The following ERC2 variants were observed in gnomAD, a reference collection of about 807,000 sequenced individuals.
The protein encoded by ERC2 is ELKS/RAB6-interacting/CAST family member 2, also known as ERC protein 2.
ERC2 carries 42 observed loss-of-function variants against 114.8 expected under a neutral mutation model. The ratio of observed to expected loss-of-function variants is 0.37; its 90% CI spans 0.29 to 0.47. ERC2 has a LOEUF of 0.47. Among genes scored for constraint, ERC2 ranks in the 20% least tolerant of loss-of-function variants. The pLI is 0.99. For missense variants in ERC2, 939 were observed against 1,150.7 expected, an observed-to-expected ratio of 0.82 and a Z score of 2.66; for synonymous variants, 454 against 425.5, an observed-to-expected ratio of 1.07 and a Z score of -0.82.
chr3:55,840,234 A>G (rs930831363), intron 14 of ERC2, among the ~76,000 whole-genome samples: 1 of 152,086 alleles, frequency 6.6e-6, no homozygotes, highest in African/African-American at 2.4e-5. Context: ...CACATGTGTA[A>G]TAAAGGAATC....
chr3:55,888,389 TTCATCTCCA>T lies in ERC2; in HGVS notation c.2555_2563del (p.Leu852_Lys855delinsGln). On this transcript the variant is annotated inframe_deletion and splice_region_variant, in exon 14 of 18. Coordinates refer to ENST00000288221, the MANE Select transcript of ERC2 (RefSeq NM_015576.3). The stretch of plus-strand genomic sequence containing the variant: ...TACCAAAGCAGCAATGGGTACTCAC[TTCATCTCCA>T]GGATCTCCTCCAGCTGTTTCCTCCT... 6.2e-7 allele frequency: 1 copy of T among 1,613,814 alleles called. No homozygotes were observed. The highest frequency in any genetic ancestry group is 8.5e-7 in the Non-Finnish European group (1 of 1,179,774).
intron 14 of ERC2, among the ~76,000 whole-genome samples, chr3:55,887,981 T>C (rs1392177952): frequency 6.6e-6 from 1 of 152,198 alleles, no homozygotes; most frequent in African/African-American, 2.4e-5. Context: ...GAGAAGAATA[T>C]AATTAGCAAA....
chr3:56,440,681 C>T lies in ERC2; in HGVS notation c.-140-5534G>A, dbSNP rs532136172. Among the ~76,000 whole-genome samples the T allele has an allele frequency of 1.1e-3, 175 of 152,174 alleles. 1 individual carries two copies. The highest frequency in any genetic ancestry group is 4.1e-3 in the African/African-American group (169 of 41,532). The stretch of plus-strand genomic sequence containing the variant: ...AAACTAGCCAGTATGTATTATGTTA[C>T]TTCCAATTCCTTTTAAGTGTGTATG... On this transcript the variant is annotated intron_variant, in intron 1 of 17. Transcript: ENST00000288221.
chr3:56,209,768 T>C (rs544239882), intron 3 of ERC2, among the ~76,000 whole-genome samples: 4 of 152,248 alleles, frequency 2.6e-5, no homozygotes, highest in African/African-American at 7.2e-5. Context: ...CTCCTCATTT[T>C]TAACCTACAG....
chr3:56,260,302 A>C (rs149830308), intron 3 of ERC2, among the ~76,000 whole-genome samples: 1 of 152,244 alleles, frequency 6.6e-6, no homozygotes, highest in African/African-American at 2.4e-5. Flanking sequence ...TATGGGAAGC[A>C]GATGAGAATA....
At chr3:56,272,382 T>C (rs1455757202) in intron 3 of ERC2, among the ~76,000 whole-genome samples, 1 of 152,246 alleles carries the variant, frequency 6.6e-6, no homozygotes, top group Non-Finnish European at 1.5e-5. Context: ...GTTGCCTAAA[T>C]AGGCCAGGTT....
chr3:56,384,733 T>C (rs2106766303), intron 2 of ERC2, among the ~76,000 whole-genome samples: 1 of 152,330 alleles, frequency 6.6e-6, no homozygotes, highest in South Asian at 2.1e-4. Flanking sequence ...TTTTCTTTTG[T>C]CACCTGTGCT....
At chr3:56,215,488 T>C (rs978206712) in intron 3 of ERC2, among the ~76,000 whole-genome samples, 1 of 152,206 alleles carries the variant, frequency 6.6e-6, no homozygotes, top group Non-Finnish European at 1.5e-5. Context: ...CCCAGATTCA[T>C]AAAGTAAGTC....
At chr3:56,289,254 T>C (rs1281306623) in intron 3 of ERC2, among the ~76,000 whole-genome samples, 1 of 152,180 alleles carries the variant, frequency 6.6e-6, no homozygotes, top group African/African-American at 2.4e-5. Flanking sequence ...CAGCACTCAG[T>C]TCTTAAGTTG....
chr3:55,719,141 C>T (rs2064299021), intron 15 of ERC2, among the ~76,000 whole-genome samples: 1 of 152,156 alleles, frequency 6.6e-6, no homozygotes, highest in Admixed American at 6.5e-5. Flanking sequence ...CAACACTGAA[C>T]ATGGCTTGGA....
chr3:56,299,115 T>C (rs2055668267), intron 2 of ERC2, among the ~76,000 whole-genome samples: 1 of 135,896 alleles, frequency 7.4e-6, no homozygotes, highest in Non-Finnish European at 1.6e-5. Flanking sequence ...TGTTTTTTTT[T>C]TTTGTTTTTT....
chr3:56,429,987 TAAG>T (rs898426650), intron 2 of ERC2, among the ~76,000 whole-genome samples: 23 of 152,148 alleles, frequency 1.5e-4, no homozygotes, highest in Admixed American at 1.1e-3. Flanking sequence ...ACGCTGCATA[TAAG>T]AAGGAAAGGG....
At chr3:55,994,487 C>A (rs528880748) in intron 10 of ERC2, among the ~76,000 whole-genome samples, 1 of 152,032 alleles carries the variant, frequency 6.6e-6, no homozygotes, top group African/African-American at 2.4e-5. Flanking sequence ...AGCCTAAAAA[C>A]CATGAAAACT....
In ERC2 at chr3:55,902,456, A is replaced by G. The variant is rs75369952; in HGVS notation, c.2404-13907T>C. ...AAATCACTTCATACAGGGAAAACTC[A>G]GAACAAAGACGCCCACCCAAACAGT... On this transcript the variant is annotated intron_variant, in intron 13 of 17. Transcript: ENST00000288221. 4.6e-3 allele frequency among the ~76,000 whole-genome samples: 704 copies of G among 152,282 alleles called. 7 individuals are homozygous for G. The highest frequency in any genetic ancestry group is 0.016 in the African/African-American group (678 of 41,544).
At chr3:55,517,821 G>T (rs1252152357) in intron 17 of ERC2, among the ~76,000 whole-genome samples, 1 of 152,220 alleles carries the variant, frequency 6.6e-6, no homozygotes, top group Non-Finnish European at 1.5e-5. Context: ...TAAAAGATCA[G>T]ATATCTGCCA....
At chr3:55,715,215 C>G (rs1268199311) in intron 15 of ERC2, among the ~76,000 whole-genome samples, 2 of 152,100 alleles carry the variant, frequency 1.3e-5, no homozygotes, top group African/African-American at 4.8e-5. Context: ...TTCCCAAGAC[C>G]CTGTCAGGCT....
chr3:55,758,191 A>AT (rs2067182282), intron 14 of ERC2, among the ~76,000 whole-genome samples: 1 of 152,232 alleles, frequency 6.6e-6, no homozygotes, highest in African/African-American at 2.4e-5. Context: ...GGCAGAGCTC[A>AT]TATTTCATCT....
At chr3:56,195,515 G>GTGTGTGTT (rs974294067) in intron 3 of ERC2, among the ~76,000 whole-genome samples, 2 of 151,824 alleles carry the variant, frequency 1.3e-5, no homozygotes, top group African/African-American at 4.8e-5. Flanking sequence ...GTGTGTGTGT[G>GTGTGTGTT]TGTGTTCTCT....
At chr3:56,279,784 G>A (rs2054230103) in intron 3 of ERC2, among the ~76,000 whole-genome samples, 2 of 152,194 alleles carry the variant, frequency 1.3e-5, no homozygotes, top group Admixed American at 1.3e-4. Flanking sequence ...AGAGGACCAA[G>A]CCAAAGGTAA....
Sources: gnomAD v4.1 joint callset for allele counts (sites outside exome capture counted in the v4.1 genomes callset) on GRCh38, gnomAD v4.1.1 for gene constraint, MANE v1.5 for transcripts, NCBI Gene and HGNC (gene_info 2026-07-23, HGNC 2026-07-21) for gene names.